CUL2: variants seen among roughly 807,000 people sequenced by gnomAD.
CUL2 encodes the protein cullin-2.
In CUL2, 22 loss-of-function variants were observed where a neutral mutation model predicts 110.2. The ratio of observed to expected loss-of-function variants is 0.20; its 90% CI spans 0.14 to 0.28. The LOEUF is 0.28. Ranked by LOEUF, CUL2 falls within the 10% of genes least tolerant of loss-of-function variation. CUL2 has a pLI of 1.00. For missense variants in CUL2, 631 were observed against 905.5 expected (o/e 0.70, Z 3.89); for synonymous variants, 279 against 293.2 (o/e 0.95, Z 0.49).
At chr10:35,011,233 A>AGG (rs1412232126) in intron 20 of CUL2, among the ~76,000 whole-genome samples, 18 of 120,988 alleles carry the variant, frequency 1.5e-4, no homozygotes, top group African/African-American at 3.5e-4. Context: ...TTTTTTTTTT[A>AGG]GGTGAGATGG....
intron 2 of CUL2, chr10:35,100,836 C>G (rs1387218413): frequency 6.6e-6 from 1 of 151,800 alleles, no homozygotes; most frequent in Non-Finnish European, 1.5e-5. Context: ...CCATTTCAAC[C>G]CACTTACAGC....
rs1005217108 is a variant in CUL2, at chr10:35,031,730, G to GT, written c.1171-112dup. 4.3e-4 allele frequency: 492 copies of GT among 1,144,932 alleles called. No homozygotes were observed. The highest frequency in any genetic ancestry group is 5.1e-4 in the Non-Finnish European group (410 of 799,696). 70.9% of individuals were successfully genotyped at this position (1,144,932 alleles called of 1,614,324 possible). A position where few individuals can be genotyped will look rare whatever the true frequency, so the allele number is the denominator to read the frequency against. On this transcript the variant is annotated intron_variant, in intron 12 of 20. Transcript: ENST00000374749. This position sits in a 1 kb window ranked among gnomAD's most constrained non-coding sequence, Gnocchi z 4.4. ...AAGATCAGCGGACAGAATTTTTGCT[G>GT]TTTTTTTTAGAGACCGGGTCTTGCT...
At chr10:35,105,623 A>G (rs1329298893) in intron 1 of CUL2, among the ~76,000 whole-genome samples, 1 of 143,654 alleles carries the variant, frequency 7.0e-6, no homozygotes, top group Non-Finnish European at 1.5e-5. Context: ...CAGGAGAATC[A>G]CTTGACCCCG....
At chr10:35,108,265 G>C (rs1016754598) in intron 1 of CUL2, among the ~76,000 whole-genome samples, 3 of 151,488 alleles carry the variant, frequency 2.0e-5, no homozygotes, top group African/African-American at 7.3e-5. Flanking sequence ...GACCAGCCTG[G>C]GTGACATGAT....
chr10:35,032,195 T>C (rs2085496496), intron 12 of CUL2, among the ~76,000 whole-genome samples: 2 of 152,202 alleles, frequency 1.3e-5, no homozygotes, highest in African/African-American at 4.8e-5. Context: ...ACATGAAAAG[T>C]ATTGCAAATT....
At chr10:35,038,505 G>A (rs2085689272) in intron 9 of CUL2, among the ~76,000 whole-genome samples, 1 of 101,168 alleles carries the variant, frequency 9.9e-6, no homozygotes, top group African/African-American at 3.9e-5. Context: ...CAGCCTGGGC[G>A]ACAGAGTGAG....
rs188721696 is a variant in CUL2, at chr10:35,090,286, G to A, written c.-130C>T. 1,361 of 157,026 alleles carry A rather than the reference G, an allele frequency of 8.7e-3. 21 individuals are homozygous for A. Among genetic ancestry groups the A allele is most frequent in the African/African-American group, 0.031 (1,289 of 41,586 alleles). 9.7% of individuals were successfully genotyped at this position (157,026 alleles called of 1,614,324 possible). ...GAAGGTGGGCGGAGGCGGCGGCGGC[G>A]GCGGCTGTCAGCTCGCGTTCCCCTG... On this transcript the variant is annotated 5_prime_UTR_variant, in exon 1 of 21. Coordinates refer to ENST00000374749, the MANE Select transcript of CUL2 (RefSeq NM_003591.4).
chr10:35,063,190 A>T, intron 2 of CUL2, 128 bp from the exon 3 acceptor site: 2 of 575,004 alleles, frequency 3.5e-6, no homozygotes, highest in Non-Finnish European at 6.1e-6. Flanking sequence ...TATACATAAT[A>T]CTGTTGTATA....
intron 2 of CUL2, among the ~76,000 whole-genome samples, chr10:35,067,768 A>G (rs1040998187): frequency 2.0e-5 from 3 of 151,494 alleles, no homozygotes; most frequent in Admixed American, 6.6e-5. Flanking sequence ...ATTCACCATT[A>G]TTGTTTATTC....
chr10:35,071,173 T>C (rs1394740993), intron 2 of CUL2, 26 bp downstream of exon 2: 3 of 1,602,986 alleles, frequency 1.9e-6, no homozygotes, highest in Non-Finnish European at 2.6e-6. Context: ...TTTAGAACAT[T>C]GATCAAGCTG....
At chr10:35,110,923 G>C (rs1271941551) in intron 1 of CUL2, among the ~76,000 whole-genome samples, 1 of 152,204 alleles carries the variant, frequency 6.6e-6, no homozygotes, top group African/African-American at 2.4e-5. Context: ...ATTTGGGAGA[G>C]ACACATAACA....
chr10:35,048,280 T>TC (rs2086003442), intron 6 of CUL2, among the ~76,000 whole-genome samples: 1 of 152,222 alleles, frequency 6.6e-6, no homozygotes, highest in Non-Finnish European at 1.5e-5. Flanking sequence ...AATGCTTTAA[T>TC]GGAAGCCGAT....
At chr10:35,057,290 C>T (rs756551863) in intron 4 of CUL2, among the ~76,000 whole-genome samples, 2 of 151,930 alleles carry the variant, frequency 1.3e-5, no homozygotes, top group Admixed American at 6.6e-5. Flanking sequence ...TTTAAACTAA[C>T]TTACATTAAC....
chr10:35,027,525 TATAAA>T (rs1481923181), intron 16 of CUL2, among the ~76,000 whole-genome samples: 3 of 152,208 alleles, frequency 2.0e-5, no homozygotes, highest in Non-Finnish European at 4.4e-5. Context: ...TGGCCTAAAG[TATAAA>T]ATAAATTACT....
intron 1 of CUL2, among the ~76,000 whole-genome samples, chr10:35,104,173 G>A (rs1032485486): frequency 4.6e-5 from 7 of 152,278 alleles, no homozygotes; most frequent in African/African-American, 1.7e-4. Flanking sequence ...GAGGCTGGGC[G>A]TAGTGGCTCA....
At chr10:35,060,733 C>T (rs754887780) in intron 4 of CUL2, 141 bp downstream of exon 4, 1 of 662,286 alleles carries the variant, frequency 1.5e-6, no homozygotes, top group Non-Finnish European at 2.5e-6. Context: ...CCTTTCCCCA[C>T]AGCAGAGAAA....
At position 35,029,483 on chromosome 10, in the gene CUL2, C is replaced by A. The variant is rs763561954; in HGVS notation, c.1539+5G>T. 4 of 1,509,654 alleles carry A rather than the reference C, an allele frequency of 2.6e-6. No individual in the cohort carries two copies. The African/African-American group carries it at 4.3e-5, about 16-fold the overall frequency. The allele number at this position is 1,509,654 out of a possible 1,614,324, so 93.5% of individuals were successfully genotyped here. On this transcript the variant is annotated splice_donor_5th_base_variant and intron_variant, in intron 15 of 20. Transcript: ENST00000374749. ...AAATGCTCATAGTAAAACACATATT[C>A]ATACCTGTAGAACATATATTTGAAA...
chr10:35,086,235 G>A (rs2087062247), intron 1 of CUL2, among the ~76,000 whole-genome samples: 1 of 151,644 alleles, frequency 6.6e-6, no homozygotes, highest in Non-Finnish European at 1.5e-5. Context: ...AGTGGATCAC[G>A]CCTGTAATCC....
intron 11 of CUL2, 43 bp downstream of exon 11, chr10:35,033,123 G>A: frequency 8.4e-7 from 1 of 1,183,864 alleles, no homozygotes; most frequent in Non-Finnish European, 1.2e-6. Flanking sequence ...AAGAATGATA[G>A]AGTTTTATGT....
Sources: gnomAD v4.1 joint callset for allele counts (sites outside exome capture counted in the v4.1 genomes callset) on GRCh38, gnomAD v4.1.1 for gene constraint, Gnocchi (gnomAD v3.1) non-coding constraint, MANE v1.5 for transcripts, NCBI Gene and HGNC (gene_info 2026-07-23, HGNC 2026-07-21) for gene names.